EMC2: variants seen among roughly 807,000 people sequenced by gnomAD.
EMC2 encodes ER membrane protein complex subunit 2, also known as TPR repeat protein 35.
In EMC2, 37 loss-of-function variants were observed where a neutral mutation model predicts 51.6. The observed-to-expected ratio is 0.72, with a 90% CI of 0.55 to 0.94. The LOEUF (loss-of-function observed/expected upper bound fraction) is 0.94. EMC2 is among the 40% of genes least tolerant of loss of function. The probability of loss-of-function intolerance (pLI) is 0.00; values close to 1 mark genes in which losing one functional copy is unlikely to be tolerated. For synonymous variants in EMC2, 131 were observed against 112.4 expected (o/e 1.17, Z -1.04); for missense variants, 359 against 350.9 (o/e 1.02, Z -0.18).
At chr8:108,482,438 C>T (rs1291843533) in intron 10 of EMC2, among the ~76,000 whole-genome samples, 2 of 152,044 alleles carry the variant, frequency 1.3e-5, no homozygotes, top group African/African-American at 2.4e-5. Context: ...ATGCCTCAGT[C>T]ATTTGTTTGT....
intron 4 of EMC2, among the ~76,000 whole-genome samples, chr8:108,453,509 C>T (rs1466591196): frequency 6.6e-6 from 1 of 151,376 alleles, no homozygotes; most frequent in African/African-American, 2.4e-5. Context: ...CTAAATGGTG[C>T]CTTGTGAAGT....
At chr8:108,471,825 G>A (rs961746758) in intron 7 of EMC2, among the ~76,000 whole-genome samples, 1 of 151,860 alleles carries the variant, frequency 6.6e-6, no homozygotes, top group East Asian at 1.9e-4. Flanking sequence ...TAAATAAGAT[G>A]TACATTTTCT....
chr8:108,475,212 A>T (rs1306251530), intron 7 of EMC2: 2 of 151,928 alleles, frequency 1.3e-5, no homozygotes, highest in African/African-American at 4.8e-5. Flanking sequence ...ATGCTTTAAA[A>T]TGTTTTTCCA....
chr8:108,473,758 T>C (rs1053553270), intron 7 of EMC2: 4 of 152,056 alleles, frequency 2.6e-5, no homozygotes, highest in African/African-American at 9.7e-5. Context: ...TTTAGTTATA[T>C]ATACTTTTGT....
chr8:108,471,405 AT>A (rs199982470), intron 7 of EMC2, among the ~76,000 whole-genome samples: 21 of 150,388 alleles, frequency 1.4e-4, no homozygotes, highest in African/African-American at 2.9e-4. Context: ...CAACAAGGAA[AT>A]TTTTTTTTTC....
At position 108,460,453 on chromosome 8, in the gene EMC2, C is replaced by T. The variant is rs562498248; in HGVS notation, c.363+4523C>T. Among the ~76,000 whole-genome samples the T allele has an allele frequency of 2.5e-4, 38 of 152,228 alleles. No individual in the cohort carries two copies. In the Middle Eastern group the frequency reaches 0.017, roughly 68 times the overall value. ...CCTGAAAATTTGTAATCCAAAGTGCCTCAAAATTCAACACTTTTTGAAGAA... is the reference window on the plus strand; with the variant it reads ...CCTGAAAATTTGTAATCCAAAGTGCTTCAAAATTCAACACTTTTTGAAGAA... On this transcript the variant is annotated intron_variant, in intron 5 of 10. Coordinates refer to ENST00000220853, the MANE Select transcript of EMC2 (RefSeq NM_014673.5).
In EMC2 at chr8:108,486,592, G is replaced by C. The variant is rs1434075811; in HGVS notation, c.888G>C (p.Gln296His). 1 of 1,595,038 alleles carries C rather than the reference G, an allele frequency of 6.3e-7. No individual in the cohort carries two copies. Among genetic ancestry groups the C allele is most frequent in the African/African-American group, 1.4e-5 (1 of 73,308 alleles). ...TGTTGGAAACATTGCAGATCACCCA[G>C]TCTTAAGGTTTCAAAAACTCTTTGA... Reference protein sequence around the residue: ...EDMLETLQITQS With the variant: ...EDMLETLQITHS Residue 296 changes from glutamine (Q) to histidine (H), a missense_variant, in exon 11 of 11, where the codon CAG (glutamine) becomes CAC (histidine). Transcript: ENST00000220853.
chr8:108,466,123 C>T lies in EMC2; in HGVS notation c.364-3703C>T, dbSNP rs186803073. On this transcript the variant is annotated intron_variant, in intron 5 of 10. Coordinates refer to ENST00000220853, the MANE Select transcript of EMC2 (RefSeq NM_014673.5). ...TCTTTATTCTATAGGCATACAAGGT[C>T]ATAGAGAAGTTAAGTGACTTGCCCA... Among the ~76,000 whole-genome samples the T allele has an allele frequency of 9.2e-5, 14 of 152,204 alleles. No homozygotes were observed. In the East Asian group the frequency reaches 1.9e-3, roughly 21 times the overall value.
chr8:108,479,928 C>T (rs2095531972), intron 10 of EMC2, among the ~76,000 whole-genome samples: 1 of 152,042 alleles, frequency 6.6e-6, no homozygotes, highest in African/African-American at 2.4e-5. Flanking sequence ...TAAAATGTTG[C>T]CGTCAGGAAA....
At chr8:108,478,743 G>A (rs77258523) in intron 9 of EMC2, among the ~76,000 whole-genome samples, 1 of 151,642 alleles carries the variant, frequency 6.6e-6, no homozygotes, top group East Asian at 1.9e-4. Flanking sequence ...ACCTTTAAGA[G>A]CTGTTACAGG....
At chr8:108,443,745 A>G (rs1818808085) in intron 1 of EMC2, 47 bp downstream of exon 1, 7 of 1,552,450 alleles carry the variant, frequency 4.5e-6, no homozygotes, top group Non-Finnish European at 6.2e-6. Context: ...AGCGCTGGGA[A>G]GCCGTTCGGG....
At chr8:108,464,226 T>C (rs1225580784) in intron 5 of EMC2, 1 of 152,192 alleles carries the variant, frequency 6.6e-6, no homozygotes, top group Non-Finnish European at 1.5e-5. Context: ...ATACATCCAT[T>C]TGATTAGTAG....
rs558630213 is a variant in EMC2, at chr8:108,489,085, G to C, written c.*2487G>C. Among the ~76,000 whole-genome samples, 1 of 152,226 alleles carries C rather than the reference G, an allele frequency of 6.6e-6. No individual in the cohort carries two copies. The highest frequency in any genetic ancestry group is 2.4e-5 in the African/African-American group (1 of 41,546). ...GAGATAGAACTGAAGGAGGATTAAG[G>C]GGATCCTGGGTCCCTGATATGGCAT... is the stretch of plus-strand genomic sequence containing the variant. On this transcript the variant is annotated 3_prime_UTR_variant, in exon 11 of 11. Coordinates refer to ENST00000220853, the MANE Select transcript of EMC2 (RefSeq NM_014673.5).
intron 4 of EMC2, among the ~76,000 whole-genome samples, chr8:108,455,480 G>A (rs1198085875): frequency 6.6e-6 from 1 of 152,010 alleles, no homozygotes; most frequent in Non-Finnish European, 1.5e-5. Flanking sequence ...CATTAGAGTT[G>A]TGAAAATACA....
chr8:108,459,946 C>T (rs1400608062), intron 5 of EMC2, among the ~76,000 whole-genome samples: 1 of 152,058 alleles, frequency 6.6e-6, no homozygotes, highest in Non-Finnish European at 1.5e-5. Context: ...GAATGATTTC[C>T]TAATCTAACA....
At position 108,468,809 on chromosome 8, in the gene EMC2, G is replaced by C. The variant is rs116832679; in HGVS notation, c.364-1017G>C. ...ATTTGAAGCAAACATAAATAGAGAG[G>C]ACGTAAATTTAATAATTTATACAGT... On this transcript the variant is annotated intron_variant, in intron 5 of 10. Transcript: ENST00000220853. 5.0e-3 allele frequency among the ~76,000 whole-genome samples: 755 copies of C among 152,256 alleles called. 6 individuals carry two copies. The highest frequency in any genetic ancestry group is 0.017 in the African/African-American group (722 of 41,552).
intron 4 of EMC2, among the ~76,000 whole-genome samples, chr8:108,455,331 G>A (rs551506884): frequency 6.6e-6 from 1 of 152,104 alleles, no homozygotes; most frequent in African/African-American, 2.4e-5. Flanking sequence ...CCAATCTACT[G>A]ATAAGCCCAA....
intron 1 of EMC2, among the ~76,000 whole-genome samples, chr8:108,447,870 A>T (rs903816949): frequency 2.0e-5 from 3 of 152,156 alleles, no homozygotes; most frequent in Non-Finnish European, 2.9e-5. Flanking sequence ...ACCTTTGAGG[A>T]AAGAGTGAGG....
At chr8:108,445,524 A>G (rs147896918) in intron 1 of EMC2, among the ~76,000 whole-genome samples, 48 of 152,028 alleles carry the variant, frequency 3.2e-4, no homozygotes, top group African/African-American at 1.2e-3. Context: ...TTCCCCACAA[A>G]GCTCACCTAC....
Sources: gnomAD v4.1 joint callset for allele counts (sites outside exome capture counted in the v4.1 genomes callset) on GRCh38, gnomAD v4.1.1 for gene constraint, MANE v1.5 for transcripts, NCBI Gene and HGNC (gene_info 2026-07-23, HGNC 2026-07-21) for gene names.